CNTNAP5: variants seen among roughly 807,000 people sequenced by gnomAD.
CNTNAP5 encodes contactin associated protein family member 5, also known as contactin-associated protein-like 5.
CNTNAP5 carries 72 observed loss-of-function variants against 150.2 expected under a neutral mutation model. That is an observed-to-expected ratio of 0.48 (90% CI 0.40 to 0.58). CNTNAP5 has a LOEUF of 0.58. Among genes scored for constraint, CNTNAP5 ranks in the 20% least tolerant of loss-of-function variants. The pLI is 0.00. For missense variants in CNTNAP5, 1,636 were observed against 1,626.2 expected (o/e 1.01, Z -0.10); for synonymous variants, 672 against 619.8 (o/e 1.08, Z -1.25).
chr2:124,387,302 T>C (rs1190435044), intron 3 of CNTNAP5, among the ~76,000 whole-genome samples: 1 of 152,208 alleles, frequency 6.6e-6, no homozygotes, highest in Non-Finnish European at 1.5e-5. Flanking sequence ...ATAATTTTCT[T>C]CAAATCTATT....
chr2:124,557,163 G>T (rs1022169351), intron 10 of CNTNAP5, among the ~76,000 whole-genome samples: 11 of 152,072 alleles, frequency 7.2e-5, no homozygotes, highest in African/African-American at 2.2e-4. Context: ...AAAAGGAATT[G>T]CATTACTGAC....
At chr2:124,698,932 C>T (rs1347355597) in intron 13 of CNTNAP5, among the ~76,000 whole-genome samples, 1 of 152,112 alleles carries the variant, frequency 6.6e-6, no homozygotes, top group East Asian at 1.9e-4. Flanking sequence ...AGTGGCAGCC[C>T]AGTGTGAGGA....
chr2:124,676,818 G>A (rs1253549074), intron 13 of CNTNAP5, among the ~76,000 whole-genome samples: 1 of 152,154 alleles, frequency 6.6e-6, no homozygotes, highest in Non-Finnish European at 1.5e-5. Flanking sequence ...AAGACTCCTT[G>A]GATGGTTAAA....
intron 6 of CNTNAP5, among the ~76,000 whole-genome samples, chr2:124,464,564 C>G (rs949144030): frequency 1.3e-5 from 2 of 152,146 alleles, no homozygotes; most frequent in African/African-American, 4.8e-5. Flanking sequence ...ATGGGACAGA[C>G]TGAGTCATTC....
intron 16 of CNTNAP5, 54 bp downstream of exon 16, chr2:124,764,201 T>TAAAA: frequency 6.7e-7 from 1 of 1,482,022 alleles, no homozygotes; most frequent in Non-Finnish European, 9.4e-7. Flanking sequence ...CAAGTTTTAG[T>TAAAA]CTTGTTTTTG....
chr2:124,568,941 G>A (rs1044786800), intron 11 of CNTNAP5, among the ~76,000 whole-genome samples: 2 of 152,132 alleles, frequency 1.3e-5, no homozygotes, highest in Admixed American at 1.3e-4. Context: ...CCAGCTAATC[G>A]GGAGGCTGAG....
chr2:124,590,344 A>G (rs1696652054), intron 11 of CNTNAP5, among the ~76,000 whole-genome samples: 1 of 152,184 alleles, frequency 6.6e-6, no homozygotes, highest in Non-Finnish European at 1.5e-5. Context: ...CCTTTTAGGT[A>G]ATGAAAATGT....
chr2:124,227,145 T>C (rs1289435694), intron 2 of CNTNAP5, among the ~76,000 whole-genome samples: 1 of 152,152 alleles, frequency 6.6e-6, no homozygotes, highest in Admixed American at 6.6e-5. Context: ...CAATGAGCAA[T>C]CACTCTGAGT....
intron 4 of CNTNAP5, among the ~76,000 whole-genome samples, chr2:124,428,908 A>G (rs1260134184): frequency 6.6e-6 from 1 of 152,108 alleles, no homozygotes; most frequent in Non-Finnish European, 1.5e-5. Flanking sequence ...AAGTGATCAC[A>G]CATTTCCCAT....
chr2:124,637,406 A>C (rs1677993659), intron 12 of CNTNAP5, among the ~76,000 whole-genome samples: 1 of 152,320 alleles, frequency 6.6e-6, no homozygotes, highest in African/African-American at 2.4e-5. Context: ...CATTTTGGCC[A>C]GAAAGTCTCA....
intron 7 of CNTNAP5, among the ~76,000 whole-genome samples, chr2:124,490,314 A>G (rs1693988271): frequency 1.4e-5 from 2 of 147,560 alleles, no homozygotes; most frequent in Admixed American, 6.8e-5. Context: ...AGCCTGGACA[A>G]CAGAGCATTG....
intron 4 of CNTNAP5, among the ~76,000 whole-genome samples, chr2:124,423,921 C>T (rs1299739351): frequency 2.8e-5 from 4 of 143,830 alleles, no homozygotes; most frequent in African/African-American, 7.7e-5. Context: ...GCCTCGGCCT[C>T]CCAAAGTGCT....
chr2:124,439,601 T>C (rs188676796), intron 5 of CNTNAP5, among the ~76,000 whole-genome samples: 19 of 152,296 alleles, frequency 1.2e-4, no homozygotes, highest in Non-Finnish European at 2.2e-4. Flanking sequence ...GCTAAGGACA[T>C]GTGTTTCATT....
At chr2:124,106,829 C>A (rs1002618358) in intron 1 of CNTNAP5, among the ~76,000 whole-genome samples, 1 of 152,058 alleles carries the variant, frequency 6.6e-6, no homozygotes, top group African/African-American at 2.4e-5. Flanking sequence ...CTGGAGCCAT[C>A]GTATGGGACT....
intron 1 of CNTNAP5, among the ~76,000 whole-genome samples, chr2:124,207,384 A>G (rs1351831394): frequency 2.0e-5 from 3 of 152,234 alleles, no homozygotes; most frequent in African/African-American, 7.2e-5. Context: ...AACCTTGTTC[A>G]GGAAAAGAAC....
At chr2:124,378,163 AC>A (rs1690700195) in intron 3 of CNTNAP5, among the ~76,000 whole-genome samples, 2 of 152,090 alleles carry the variant, frequency 1.3e-5, no homozygotes, top group Admixed American at 1.3e-4. Context: ...TATATCCATC[AC>A]AAAACCTCTT....
intron 12 of CNTNAP5, among the ~76,000 whole-genome samples, chr2:124,625,268 G>A (rs551164827): frequency 6.6e-6 from 1 of 152,206 alleles, no homozygotes; most frequent in Admixed American, 6.5e-5. Context: ...TAATGTGGGG[G>A]AAATCATACC....
At chr2:124,128,739 G>T (rs370308608) in intron 1 of CNTNAP5, among the ~76,000 whole-genome samples, 2 of 151,742 alleles carry the variant, frequency 1.3e-5, no homozygotes, top group Admixed American at 6.6e-5. Context: ...CCATAAAAAA[G>T]GGTGAGTTCA....
chr2:124,114,283 C>A (rs1683374321), intron 1 of CNTNAP5, among the ~76,000 whole-genome samples: 1 of 150,878 alleles, frequency 6.6e-6, no homozygotes, highest in South Asian at 2.1e-4. Flanking sequence ...TTATTTAGTT[C>A]TTCTTGTATA....
Sources: gnomAD v4.1 joint callset for allele counts (sites outside exome capture counted in the v4.1 genomes callset) on GRCh38, gnomAD v4.1.1 for gene constraint, MANE v1.5 for transcripts, NCBI Gene and HGNC (gene_info 2026-07-23, HGNC 2026-07-21) for gene names.